ATPAF1: variants seen among roughly 807,000 people sequenced by gnomAD.
ATPAF1 encodes the protein ATP synthase mitochondrial F1 complex assembly factor 1.
ATPAF1 carries 26 observed loss-of-function variants against 43.9 expected under a neutral mutation model. The ratio of observed to expected loss-of-function variants is 0.59; its 90% CI spans 0.43 to 0.82. The LOEUF is 0.82. ATPAF1 is among the 40% of genes least tolerant of loss of function. The probability of loss-of-function intolerance (pLI) is 0.00; values close to 1 mark genes in which losing one functional copy is unlikely to be tolerated. For synonymous variants in ATPAF1, 157 were observed against 168.0 expected (o/e 0.93, Z 0.50); for missense variants, 366 against 435.0 (o/e 0.84, Z 1.41).
intron 2 of ATPAF1, among the ~76,000 whole-genome samples, chr1:46,660,335 AAAC>A (rs1676365085): frequency 6.6e-6 from 1 of 152,196 alleles, no homozygotes; most frequent in Non-Finnish European, 1.5e-5. Flanking sequence ...AACAAAAACA[AAAC>A]AAAACCTCCA....
chr1:46,642,214 G>C (rs567515365), intron 8 of ATPAF1, among the ~76,000 whole-genome samples: 1 of 152,348 alleles, frequency 6.6e-6, no homozygotes, highest in South Asian at 2.1e-4. Flanking sequence ...GAATAGGGAA[G>C]TAGAATCCTC....
downstream of ATPAF1, chr1:46,633,429 C>A: frequency 9.6e-6 from 2 of 209,072 alleles, no homozygotes; most frequent in Non-Finnish European, 1.9e-5. Context: ...AAAAAAAACC[C>A]CAAAATTAGA....
chr1:46,643,379 A>G, intron 7 of ATPAF1, 78 bp from the exon 8 acceptor site: 7 of 1,196,598 alleles, frequency 5.8e-6, no homozygotes, highest in Non-Finnish European at 8.3e-6. Context: ...TAGACAGTCT[A>G]GAGGAAATTC....
intron 2 of ATPAF1, chr1:46,664,920 C>T (rs1014810842): frequency 8.5e-6 from 2 of 236,008 alleles, no homozygotes; most frequent in Non-Finnish European, 1.6e-5. Flanking sequence ...ATTTAAATCC[C>T]CCACAACGTT....
At chr1:46,658,836 T>C in intron 2 of ATPAF1, 99 bp from the exon 3 acceptor site, 1 of 722,928 alleles carries the variant, frequency 1.4e-6, no homozygotes. Context: ...TAATTTTGCA[T>C]GTGAGAACTC....
intron 8 of ATPAF1, among the ~76,000 whole-genome samples, chr1:46,639,553 G>C (rs148052556): frequency 6.6e-6 from 1 of 152,144 alleles, no homozygotes; most frequent in African/African-American, 2.4e-5. Context: ...TATTCCATTA[G>C]TTTTTAGCAT....
intron 6 of ATPAF1, among the ~76,000 whole-genome samples, chr1:46,646,150 A>T (rs1322784462): frequency 6.6e-6 from 1 of 152,204 alleles, no homozygotes; most frequent in African/African-American, 2.4e-5. Context: ...TCTTTAGAAA[A>T]ATTTTTTTTA....
chr1:46,642,217 G>C (rs1474634499), intron 8 of ATPAF1, among the ~76,000 whole-genome samples: 1 of 152,232 alleles, frequency 6.6e-6, no homozygotes, highest in Middle Eastern at 3.2e-3. Context: ...TAGGGAAGTA[G>C]AATCCTCACT....
At chr1:46,658,328 C>T in intron 3 of ATPAF1, 139 bp from the exon 4 acceptor site, 1 of 737,532 alleles carries the variant, frequency 1.4e-6, no homozygotes, top group South Asian at 1.9e-5. Flanking sequence ...ATAAGAAAAC[C>T]CACATGCTCA....
At position 46,652,562 on chromosome 1, in the gene ATPAF1, G is replaced by A. The variant is rs762496708; in HGVS notation, c.588+19C>T. On this transcript the variant is annotated intron_variant, in intron 6 of 8. Transcript: ENST00000574428. Reference sequence around the variant, plus strand: ...GGCAACATTGATAAGCAACCCTTACGTGATCACCAGAAACTTACTGTTGGA... The same window carrying A: ...GGCAACATTGATAAGCAACCCTTACATGATCACCAGAAACTTACTGTTGGA... The A allele has an allele frequency of 1.9e-6, 3 of 1,610,584 alleles. No homozygotes were observed. Among genetic ancestry groups the A allele is most frequent in the South Asian group, 1.1e-5 (1 of 90,918 alleles).
chr1:46,641,277 T>C (rs1267299), intron 8 of ATPAF1, among the ~76,000 whole-genome samples: 150,064 of 152,142 alleles, frequency 0.99, 74,041 homozygotes, highest in South Asian at 1. Context: ...CAGGGTTTCA[T>C]CACATTGGCC....
At position 46,655,526 on chromosome 1, in the gene ATPAF1, A is replaced by G. The variant is rs560138084; in HGVS notation, c.490-1659T>C. Among the ~76,000 whole-genome samples the G allele has an allele frequency of 2.0e-5, 3 of 152,334 alleles. No individual in the cohort carries two copies. The South Asian group carries it at 6.2e-4, about 32-fold the overall frequency. On this transcript the variant is annotated intron_variant, in intron 4 of 8. Transcript: ENST00000574428. ...ATGCCCATAGTCCTACCACCCTAAC[A>G]AAGACCACTGTTACTTTATTTCTTT...
intron 2 of ATPAF1, among the ~76,000 whole-genome samples, chr1:46,663,248 T>G: frequency 6.6e-6 from 1 of 152,232 alleles, no homozygotes; most frequent in Non-Finnish European, 1.5e-5. Context: ...AACATACATG[T>G]GCATGTGTCT....
At chr1:46,652,559 T>C (rs1308684123) in intron 6 of ATPAF1, 22 bp downstream of exon 6, 33 of 1,610,130 alleles carry the variant, frequency 2.0e-5, no homozygotes, top group Non-Finnish European at 2.8e-5. Flanking sequence ...AAGCAACCCT[T>C]ACGTGATCAC....
Position 46,668,277 on chromosome 1 carries a change from C to T in ATPAF1, c.46G>A (p.Val16Ile). Residue 16 changes from valine (V) to isoleucine (I), a missense_variant, in exon 1 of 9, where the codon GTC becomes ATC. By Grantham distance (29) the Val-to-Ile change is conservative (BLOSUM62 3). Around this residue, in one of 2 missense-constraint regions of ATPAF1, gnomAD observed 186 missense variants for 168.5 expected, o/e 1.10. Transcript: ENST00000574428. The surrounding 1 kb of genome is among the most constrained non-coding windows in gnomAD (Gnocchi z 4.4). ...CGGTAGAGACCGGCCACCTGCAGGA[C>T]CGCCGGTCCCGCGCCACCCGCAGCC... 5 of 1,384,414 alleles carry T rather than the reference C, an allele frequency of 3.6e-6. No homozygotes were observed. In the South Asian group the frequency reaches 7.8e-5, roughly 22 times the overall value. 85.8% of individuals were successfully genotyped at this position (1,384,414 alleles called of 1,614,324 possible).
chr1:46,666,795 G>T (rs1569645738), intron 1 of ATPAF1, among the ~76,000 whole-genome samples: 1 of 152,198 alleles, frequency 6.6e-6, no homozygotes, highest in Non-Finnish European at 1.5e-5. Flanking sequence ...AGAGGTCAGT[G>T]GGGGGATAAC....
intron 2 of ATPAF1, among the ~76,000 whole-genome samples, chr1:46,662,572 G>A (rs192324081): frequency 5.3e-5 from 8 of 151,750 alleles, no homozygotes; most frequent in Middle Eastern, 3.4e-3. Flanking sequence ...GATTACAGGC[G>A]CCTGCTACCA....
intron 7 of ATPAF1, 36 bp from the exon 8 acceptor site, chr1:46,643,337 T>G: frequency 6.6e-7 from 1 of 1,512,734 alleles, no homozygotes; most frequent in Non-Finnish European, 9.1e-7. Flanking sequence ...CTCAATAAGG[T>G]ACCATCACAA....
intron 1 of ATPAF1, chr1:46,665,792 C>T (rs1676480668): frequency 2.8e-5 from 42 of 1,474,520 alleles, no homozygotes; most frequent in Non-Finnish European, 3.6e-5. Context: ...TAAACATCTG[C>T]TTTATTCAGA....
Sources: allele counts gnomAD v4.1 joint callset (sites outside exome capture counted in the v4.1 genomes callset), GRCh38; gene constraint gnomAD v4.1.1; regional missense constraint gnomAD v4.1.1; non-coding constraint Gnocchi (gnomAD v3.1); transcripts MANE v1.5; gene names NCBI Gene and HGNC (gene_info 2026-07-23, HGNC 2026-07-21).